Variants in GLI3 observed in about 807,000 individuals in gnomAD.
GLI3 encodes GLI family zinc finger 3.
Under a neutral mutation model 100.8 loss-of-function variants are expected in GLI3, and 20 were observed. The ratio of observed to expected loss-of-function variants is 0.20; its 90% confidence interval spans 0.14 to 0.29. GLI3 has a LOEUF of 0.29. Among genes scored for constraint, GLI3 ranks in the 10% least tolerant of loss-of-function variants. GLI3 has a pLI of 1.00. For synonymous variants in GLI3, 938 were observed against 860.5 expected, an observed-to-expected ratio of 1.09 and a Z score of -1.58; for missense variants, 2,040 against 2,128.5, an observed-to-expected ratio of 0.96 and a Z score of 0.82.
chr7:42,030,703 T>C (rs576368229), intron 7 of GLI3, among the ~76,000 whole-genome samples: 2 of 151,880 alleles, frequency 1.3e-5, no homozygotes, highest in Admixed American at 1.3e-4. Flanking sequence ...TTTGTTTTTT[T>C]TTTTTTTGTT....
At chr7:42,083,089 A>C (rs1363865657) in intron 3 of GLI3, among the ~76,000 whole-genome samples, 1 of 152,202 alleles carries the variant, frequency 6.6e-6, no homozygotes, top group African/African-American at 2.4e-5. Flanking sequence ...GTACAATTAC[A>C]TTGCTTTTGA....
At chr7:42,220,354 G>C (rs1788462163) in intron 2 of GLI3, among the ~76,000 whole-genome samples, 1 of 152,182 alleles carries the variant, frequency 6.6e-6, no homozygotes, top group African/African-American at 2.4e-5. Context: ...AAAGAGAAAA[G>C]ATAGGAAGAG....
In GLI3 at chr7:42,050,877, G is replaced by T. The variant is rs1415738344; in HGVS notation, c.474-2181C>A. On this transcript the variant is annotated intron_variant, in intron 4 of 14. Coordinates refer to ENST00000395925, the MANE Select transcript of GLI3 (RefSeq NM_000168.6). The stretch of plus-strand genomic sequence containing the variant: ...CTAGAGGTCCAAATTCTATTTTGGA[G>T]AATTATGCACAGGAAAACCAATCAG... 2.0e-5 allele frequency among the ~76,000 whole-genome samples: 3 copies of T among 152,154 alleles called. No homozygotes were observed. In the East Asian group the frequency reaches 5.8e-4, roughly 29 times the overall value.
At chr7:41,999,179 A>G (rs906468239) in intron 10 of GLI3, among the ~76,000 whole-genome samples, 6 of 152,166 alleles carry the variant, frequency 3.9e-5, no homozygotes, top group African/African-American at 1.4e-4. Flanking sequence ...GGCAAAAACT[A>G]CTAAGAAAAA....
chr7:42,177,437 C>T (rs1464638990), intron 2 of GLI3, among the ~76,000 whole-genome samples: 1 of 152,042 alleles, frequency 6.6e-6, no homozygotes, highest in Non-Finnish European at 1.5e-5. Context: ...AAGCAGAGTC[C>T]ACAATTATCA....
chr7:42,028,343 C>T (rs137890217), intron 7 of GLI3, among the ~76,000 whole-genome samples: 7 of 152,182 alleles, frequency 4.6e-5, no homozygotes, highest in African/African-American at 1.2e-4. Context: ...CTGGGAGACA[C>T]GACATTTGGG....
At chr7:42,104,763 C>T (rs1266073804) in intron 3 of GLI3, among the ~76,000 whole-genome samples, 3 of 151,960 alleles carry the variant, frequency 2.0e-5, no homozygotes, top group Admixed American at 6.6e-5. Flanking sequence ...AAGGGTGGAG[C>T]CCTTATGAAT....
chr7:41,978,326 G>A (rs1354401123), intron 11 of GLI3, among the ~76,000 whole-genome samples: 1 of 152,216 alleles, frequency 6.6e-6, no homozygotes, highest in Non-Finnish European at 1.5e-5. Flanking sequence ...TGCCTTCCAA[G>A]CCCCGTGGTA....
intron 7 of GLI3, among the ~76,000 whole-genome samples, chr7:42,038,087 C>T (rs1435444234): frequency 1.3e-5 from 2 of 152,216 alleles, no homozygotes; most frequent in Non-Finnish European, 2.9e-5. Flanking sequence ...CTGTGTGCCA[C>T]ATTTCTGCTA....
At chr7:42,237,514 T>A (rs1369704215), upstream of GLI3, among the ~76,000 whole-genome samples, 2 of 150,976 alleles carry the variant, frequency 1.3e-5, no homozygotes, top group African/African-American at 4.9e-5. Context: ...GGAAAAGTTG[T>A]CCCTCGGCTC....
intron 3 of GLI3, among the ~76,000 whole-genome samples, chr7:42,079,752 A>G (rs191695343): frequency 9.2e-5 from 14 of 152,326 alleles, no homozygotes; most frequent in Admixed American, 7.2e-4. Flanking sequence ...TGTGTTCTGC[A>G]TGATGAAATT....
At chr7:42,173,720 C>G (rs1787423406) in intron 2 of GLI3, among the ~76,000 whole-genome samples, 1 of 152,202 alleles carries the variant, frequency 6.6e-6, no homozygotes, top group Admixed American at 6.5e-5. Flanking sequence ...ATGATCAACT[C>G]TAGCACAGCC....
chr7:41,971,309 A>C (rs1787358570), intron 13 of GLI3, among the ~76,000 whole-genome samples: 1 of 152,242 alleles, frequency 6.6e-6, no homozygotes, highest in Admixed American at 6.5e-5. Context: ...CAGTCTGAGC[A>C]TGAAACTTCT....
chr7:41,983,910 C>T (rs189038831), intron 10 of GLI3, among the ~76,000 whole-genome samples: 2 of 152,150 alleles, frequency 1.3e-5, no homozygotes, highest in Non-Finnish European at 1.5e-5. Flanking sequence ...GAGCCCATAG[C>T]AAACCAATGA....
intron 6 of GLI3, among the ~76,000 whole-genome samples, chr7:42,043,609 T>C (rs1269144112): frequency 6.6e-6 from 1 of 152,378 alleles, no homozygotes; most frequent in East Asian, 1.9e-4. Context: ...AAAAGAGGTT[T>C]ATTTTTATGT....
chr7:42,175,800 T>C (rs1482045907), intron 2 of GLI3, among the ~76,000 whole-genome samples: 1 of 152,150 alleles, frequency 6.6e-6, no homozygotes, highest in Non-Finnish European at 1.5e-5. Context: ...CTACCGAATA[T>C]CAGACTGTAC....
At position 42,045,533 on chromosome 7, in the gene GLI3, A is replaced by G; in HGVS notation, c.680-3T>C. 1 of 1,613,866 alleles carries G rather than the reference A, an allele frequency of 6.2e-7. No individual in the cohort carries two copies. Among genetic ancestry groups the G allele is most frequent in the Non-Finnish European group, 8.5e-7 (1 of 1,179,880 alleles). ...TGGGCTGACTCCTGCATGGGGCGCTAGGAGGAGACAAGAGATGTATGGTTA... is the reference window on the plus strand; with the variant it reads ...TGGGCTGACTCCTGCATGGGGCGCTGGGAGGAGACAAGAGATGTATGGTTA... On this transcript the variant is annotated splice_region_variant and splice_polypyrimidine_tract_variant and intron_variant, in intron 5 of 14. Coordinates refer to ENST00000395925, the MANE Select transcript of GLI3 (RefSeq NM_000168.6).
chr7:42,210,084 C>T (rs1788234708), intron 2 of GLI3, among the ~76,000 whole-genome samples: 1 of 151,006 alleles, frequency 6.6e-6, no homozygotes, highest in African/African-American at 2.4e-5. Flanking sequence ...TCTCAGATGC[C>T]TCTCCATCAA....
In GLI3 at chr7:42,251,045, T is replaced by C. The variant is rs370680753; in HGVS notation, c.-43+12949A>G. ...TGAGTTGATGGAACCATAATTTCTG[T>C]TCCCAGAAAGCTTATGCTAATGAAG... On this transcript the variant is annotated intron_variant, in intron 1 of 2. Coordinates refer to the GLI3 transcript ENST00000678978. Among the ~76,000 whole-genome samples, 10 of 152,254 alleles carry C rather than the reference T, an allele frequency of 6.6e-5. No individual in the cohort carries two copies. The South Asian group carries it at 8.3e-4, about 13-fold the overall frequency.
Sources: allele counts gnomAD v4.1 joint callset (sites outside exome capture counted in the v4.1 genomes callset), GRCh38; gene constraint gnomAD v4.1.1; transcripts MANE v1.5; gene names NCBI Gene and HGNC (gene_info 2026-07-23, HGNC 2026-07-21).